The following LDLRAD4 variants were observed in gnomAD, a reference collection of about 807,000 sequenced individuals.
The protein encoded by LDLRAD4 is low-density lipoprotein receptor class A domain-containing protein 4.
A neutral mutation model predicts 17.0 loss-of-function variants in LDLRAD4; 5 were observed. The ratio of observed to expected loss-of-function variants is 0.29; its 90% confidence interval spans 0.15 to 0.62. The LOEUF (loss-of-function observed/expected upper bound fraction) is 0.62. LDLRAD4 is among the 20% of genes least tolerant of loss of function. The pLI is 0.84. For synonymous variants in LDLRAD4, 168 were observed against 171.8 expected (o/e 0.98, Z 0.17); for missense variants, 340 against 424.7 (o/e 0.80, Z 1.75).
chr18:13,242,468 G>A (rs960680996), intron 1 of LDLRAD4, among the ~76,000 whole-genome samples: 1 of 152,112 alleles, frequency 6.6e-6, no homozygotes, highest in Admixed American at 6.5e-5. Context: ...CTTTGATATG[G>A]AAAAACCACT....
intron 1 of LDLRAD4, among the ~76,000 whole-genome samples, chr18:13,264,566 G>C (rs981154970): frequency 6.6e-6 from 1 of 152,242 alleles, no homozygotes; most frequent in Admixed American, 6.5e-5. Context: ...ATTCTTGGCA[G>C]GGAAGCCGCT....
At chr18:13,449,368 G>C (rs986384056) in intron 3 of LDLRAD4, among the ~76,000 whole-genome samples, 1 of 152,360 alleles carries the variant, frequency 6.6e-6, no homozygotes, top group South Asian at 2.1e-4. Context: ...ATGGCAGGGG[G>C]CTGGGCTGTG....
At chr18:13,465,698 A>G (rs560052804) in intron 3 of LDLRAD4, among the ~76,000 whole-genome samples, 5 of 152,310 alleles carry the variant, frequency 3.3e-5, no homozygotes, top group African/African-American at 1.2e-4. Context: ...AGGAAATGGG[A>G]TTTCCTGGTT....
intron 1 of LDLRAD4, among the ~76,000 whole-genome samples, chr18:13,304,629 G>A (rs1224500190): frequency 3.3e-5 from 5 of 152,228 alleles, no homozygotes; most frequent in African/African-American, 9.7e-5. Context: ...ACCGACACAC[G>A]CTTCAATCCT....
chr18:13,276,739 G>A (rs1028609084), upstream of LDLRAD4, among the ~76,000 whole-genome samples: 22 of 152,308 alleles, frequency 1.4e-4, no homozygotes, highest in African/African-American at 4.6e-4. Flanking sequence ...TCCTATGTAG[G>A]TCGCCTGGTG....
chr18:13,257,185 G>T (rs1325090295), intron 1 of LDLRAD4, among the ~76,000 whole-genome samples: 1 of 152,250 alleles, frequency 6.6e-6, no homozygotes, highest in East Asian at 1.9e-4. Flanking sequence ...AGAAAGGCCT[G>T]AACCCATGTG....
At chr18:13,524,581 A>G (rs2094001007) in intron 3 of LDLRAD4, among the ~76,000 whole-genome samples, 1 of 152,210 alleles carries the variant, frequency 6.6e-6, no homozygotes, top group African/African-American at 2.4e-5. Flanking sequence ...AACGCCGTGT[A>G]ACAAACCACT....
At chr18:13,320,038 G>T (rs957390200) in intron 1 of LDLRAD4, among the ~76,000 whole-genome samples, 1 of 152,224 alleles carries the variant, frequency 6.6e-6, no homozygotes, top group Admixed American at 6.5e-5. Flanking sequence ...TATGTTTTGA[G>T]TTGAAAACAG....
intron 1 of LDLRAD4, among the ~76,000 whole-genome samples, chr18:13,305,109 TAAGACA>T (rs994538575): frequency 1.3e-5 from 2 of 152,162 alleles, no homozygotes; most frequent in Non-Finnish European, 2.9e-5. Flanking sequence ...TGAAAAAAAT[TAAGACA>T]AAGTTAGGCA....
chr18:13,289,996 T>A (rs969471766), intron 1 of LDLRAD4, among the ~76,000 whole-genome samples: 1 of 152,172 alleles, frequency 6.6e-6, no homozygotes, highest in Non-Finnish European at 1.5e-5. Context: ...CCATACCCTG[T>A]TGGGGAGTTT....
chr18:13,297,681 T>A (rs762456358), intron 1 of LDLRAD4, among the ~76,000 whole-genome samples: 1 of 152,180 alleles, frequency 6.6e-6, no homozygotes, highest in Non-Finnish European at 1.5e-5. Flanking sequence ...GCACCTGTAC[T>A]CCCAGCTACT....
At chr18:13,550,954 C>T (rs2094428133) in intron 3 of LDLRAD4, among the ~76,000 whole-genome samples, 1 of 152,162 alleles carries the variant, frequency 6.6e-6, no homozygotes, top group South Asian at 2.1e-4. Context: ...CACCACCCTC[C>T]AGTCATGCCC....
rs546769469 is a variant in LDLRAD4 at position 13,223,774 on chromosome 18, C to G, written c.-467+4786C>G. 4.6e-5 allele frequency among the ~76,000 whole-genome samples: 7 copies of G among 152,328 alleles called. No homozygotes were observed. In the South Asian group the frequency reaches 1.4e-3, roughly 32 times the overall value. Reference sequence around the variant, plus strand: ...GGCTGCCATACACTGATTCACTAATCTAATCCTCACAGCGGCCCTGTGACA... The same window carrying G: ...GGCTGCCATACACTGATTCACTAATGTAATCCTCACAGCGGCCCTGTGACA... On this transcript the variant is annotated intron_variant, in intron 1 of 5. Coordinates refer to the LDLRAD4 transcript ENST00000399848.
intron 1 of LDLRAD4, among the ~76,000 whole-genome samples, chr18:13,324,766 G>C (rs1011205042): frequency 6.6e-6 from 1 of 152,182 alleles, no homozygotes; most frequent in African/African-American, 2.4e-5. Context: ...ACACGTCACA[G>C]TAGGACCCAA....
intron 3 of LDLRAD4, among the ~76,000 whole-genome samples, chr18:13,468,563 C>A (rs538327962): frequency 2.0e-5 from 3 of 151,934 alleles, no homozygotes; most frequent in East Asian, 1.9e-4. Context: ...ATGTTTATTG[C>A]GGCACTATTC....
intron 3 of LDLRAD4, among the ~76,000 whole-genome samples, chr18:13,453,789 A>G (rs1009828309): frequency 3.3e-5 from 5 of 152,082 alleles, no homozygotes; most frequent in African/African-American, 9.7e-5. Context: ...GTTGCCCCTC[A>G]TTACCTCCCA....
At chr18:13,262,592 G>C (rs1223793831) in intron 1 of LDLRAD4, among the ~76,000 whole-genome samples, 1 of 87,736 alleles carries the variant, frequency 1.1e-5, no homozygotes, top group Non-Finnish European at 2.1e-5. Context: ...GTGCGTTGGG[G>C]CTGAGTCCCG....
intron 3 of LDLRAD4, among the ~76,000 whole-genome samples, chr18:13,610,762 C>T (rs953121044): frequency 4.3e-4 from 66 of 152,180 alleles, no homozygotes; most frequent in African/African-American, 1.5e-3. Context: ...CAGGGAGGGG[C>T]GGCTTGAAGT....
intron 3 of LDLRAD4, among the ~76,000 whole-genome samples, chr18:13,556,489 G>A (rs2094484881): frequency 1.3e-5 from 2 of 152,198 alleles, no homozygotes; most frequent in African/African-American, 2.4e-5. Flanking sequence ...TTGGTGCTTG[G>A]CTATGCCCGA....
Sources: allele counts gnomAD v4.1 joint callset (sites outside exome capture counted in the v4.1 genomes callset), GRCh38; gene constraint gnomAD v4.1.1; transcripts MANE v1.5; gene names NCBI Gene and HGNC (gene_info 2026-07-23, HGNC 2026-07-21).